KIF27: variants seen among roughly 807,000 people sequenced by gnomAD.
The protein encoded by KIF27 is kinesin family member 27, also known as kinesin-like protein KIF27.
In KIF27, 84 loss-of-function variants were observed where a neutral mutation model predicts 141.8. The ratio of observed to expected loss-of-function variants is 0.59; its 90% confidence interval spans 0.50 to 0.71. The LOEUF is 0.71. Ranked by LOEUF, KIF27 falls within the 30% of genes least tolerant of loss-of-function variation. The pLI, the probability that KIF27 is intolerant of heterozygous loss-of-function variation, is 0.00. For missense variants in KIF27, 1,306 were observed against 1,628.4 expected (o/e 0.80, Z 3.41); for synonymous variants, 471 against 569.5 (o/e 0.83, Z 2.46).
intron 13 of KIF27, among the ~76,000 whole-genome samples, chr9:83,865,111 A>T (rs1950250137): frequency 6.6e-6 from 1 of 152,044 alleles, no homozygotes; most frequent in African/African-American, 2.4e-5. Flanking sequence ...ACTGGTGTTG[A>T]GAAAATTTTT....
chr9:83,841,566 TAG>T (rs988969769), intron 17 of KIF27, among the ~76,000 whole-genome samples: 5 of 152,374 alleles, frequency 3.3e-5, no homozygotes, highest in African/African-American at 1.2e-4. Context: ...TTAGAATTAT[TAG>T]AAATTATCAG....
At chr9:83,866,303 CAG>C (rs1950345729) in intron 13 of KIF27, among the ~76,000 whole-genome samples, 1 of 151,906 alleles carries the variant, frequency 6.6e-6, no homozygotes, top group African/African-American at 2.4e-5. Context: ...CATCACATTT[CAG>C]AGTCAGGTAT....
intron 11 of KIF27, among the ~76,000 whole-genome samples, chr9:83,879,443 C>T (rs1415544015): frequency 2.7e-5 from 4 of 150,616 alleles, no homozygotes; most frequent in Non-Finnish European, 4.4e-5. Flanking sequence ...CATATCTCTG[C>T]ACCTTCCTTT....
At chr9:83,860,656 T>A (rs1424661560) in intron 13 of KIF27, among the ~76,000 whole-genome samples, 1 of 152,222 alleles carries the variant, frequency 6.6e-6, no homozygotes, top group African/African-American at 2.4e-5. Flanking sequence ...ATCAAACTTA[T>A]CAGGAAATCT....
At chr9:83,908,728 T>C (rs1395459022) in intron 2 of KIF27, 76 bp from the exon 3 acceptor site, 1 of 839,278 alleles carries the variant, frequency 1.2e-6, no homozygotes, top group African/African-American at 1.7e-5. Context: ...TTATAGTTAA[T>C]TTATTTTACT....
rs1262786325 is a variant in KIF27, at chr9:83,848,208, G to A, written c.3556+1891C>T. Among the ~76,000 whole-genome samples, 7 of 43,448 alleles carry A rather than the reference G, an allele frequency of 1.6e-4. 1 individual carries two copies. In the East Asian group the frequency reaches 3.0e-3, roughly 19 times the overall value. The allele number at this position is 43,448 out of a possible 152,430, so 28.5% of individuals were successfully genotyped here. A position where few individuals can be genotyped will look rare whatever the true frequency, so the allele number is the denominator to read the frequency against. On this transcript the variant is annotated intron_variant, in intron 16 of 17. Coordinates refer to ENST00000297814, the MANE Select transcript of KIF27 (RefSeq NM_017576.4). ...ATGATATATATGATATATCAGATAT[G>A]ATATATATGATATATCAGATATGAT...
intron 6 of KIF27, among the ~76,000 whole-genome samples, chr9:83,889,878 C>T (rs1462267790): frequency 6.6e-6 from 1 of 152,152 alleles, no homozygotes; most frequent in Non-Finnish European, 1.5e-5. Flanking sequence ...TATAGTACAA[C>T]ATTCTTCTAT....
chr9:83,886,832 G>A (rs1952152273), intron 9 of KIF27, among the ~76,000 whole-genome samples: 1 of 152,152 alleles, frequency 6.6e-6, no homozygotes, highest in Non-Finnish European at 1.5e-5. Context: ...GTTCACACCA[G>A]TTAGAACAAT....
intron 11 of KIF27, among the ~76,000 whole-genome samples, chr9:83,872,977 A>G (rs1318904932): frequency 6.6e-6 from 1 of 152,200 alleles, no homozygotes; most frequent in African/African-American, 2.4e-5. Context: ...CTTGGTCTCA[A>G]GTGGCTTGGA....
intron 17 of KIF27, among the ~76,000 whole-genome samples, chr9:83,839,073 T>C (rs1946256087): frequency 6.6e-6 from 1 of 151,996 alleles, no homozygotes; most frequent in African/African-American, 2.4e-5. Context: ...GGTGGGAGGA[T>C]TGCTCAAGCA....
rs1950497162 is a variant in KIF27 at position 83,867,864 on chromosome 9, C to T, written c.2758-4G>A. 1 of 1,563,022 alleles carries T rather than the reference C, an allele frequency of 6.4e-7. No individual in the cohort carries two copies. Among genetic ancestry groups the T allele is most frequent in the East Asian group, 2.3e-5 (1 of 44,126 alleles). ...ATTTCTTTTGCTCATCCAATTTCTA[C>T]ATTAAAATTAAAAAAAAAGTTACTT... On this transcript the variant is annotated splice_region_variant and splice_polypyrimidine_tract_variant and intron_variant, in intron 12 of 17. Transcript: ENST00000297814.
intron 2 of KIF27, among the ~76,000 whole-genome samples, chr9:83,912,589 C>T (rs182305246): frequency 7.9e-5 from 12 of 152,036 alleles, no homozygotes; most frequent in South Asian, 2.1e-4. Context: ...ATTTAAAAGA[C>T]GTATCAAAAA....
rs752785370 is a variant in KIF27 at position 83,887,047 on chromosome 9, T to G, written c.2233A>C (p.Lys745Gln). 1 of 1,578,048 alleles carries G rather than the reference T, an allele frequency of 6.3e-7. No homozygotes were observed. Among genetic ancestry groups the G allele is most frequent in the Non-Finnish European group, 8.6e-7 (1 of 1,169,514 alleles). ...MKEDLIKELIKTGNDAKSVSK... is the reference protein window; with the variant it reads ...MKEDLIKELIQTGNDAKSVSK... ...GTTCACAAGATACTATTACCTGTTT[T>G]TATTAATTCTTTAATCAGATCTTCC... The change falls in exon 9 of 18, where the codon AAA (lysine) becomes CAA (glutamine). Residue 745 changes from lysine to glutamine, a missense_variant. By Grantham distance (53) the Lys-to-Gln change is moderately conservative (BLOSUM62 1). Coordinates refer to ENST00000297814, the MANE Select transcript of KIF27 (RefSeq NM_017576.4).
chr9:83,835,612 A>C lies in KIF27; in HGVS notation c.*1389T>G, dbSNP rs1319730194. 1 of 152,190 alleles carries C rather than the reference A, an allele frequency of 6.6e-6. No individual in the cohort carries two copies. The highest frequency in any genetic ancestry group is 1.9e-4 in the East Asian group (1 of 5,198). The allele number at this position is 152,190 out of a possible 1,614,324, so 9.4% of individuals were successfully genotyped here. On this transcript the variant is annotated 3_prime_UTR_variant, in exon 18 of 18. Coordinates refer to ENST00000297814, the MANE Select transcript of KIF27 (RefSeq NM_017576.4). ...TCCCTAGGGGCTAGCAATGAGAGAA[A>C]GGAAGCCTTAAGTCTTTGAGCACAG...
intron 10 of KIF27, 121 bp downstream of exon 10, chr9:83,883,691 AG>A: frequency 1.6e-6 from 1 of 643,424 alleles, no homozygotes; most frequent in Non-Finnish European, 2.7e-6. Flanking sequence ...ACAAAAGAAA[AG>A]TTGATACCCA....
chr9:83,844,346 A>C (rs537538893), intron 16 of KIF27, among the ~76,000 whole-genome samples: 23 of 145,040 alleles, frequency 1.6e-4, no homozygotes, highest in Admixed American at 4.7e-4. Flanking sequence ...ATATTTATAT[A>C]GATATCTATA....
At chr9:83,866,602 G>A (rs978122792) in intron 13 of KIF27, among the ~76,000 whole-genome samples, 1 of 152,082 alleles carries the variant, frequency 6.6e-6, no homozygotes, top group African/African-American at 2.4e-5. Flanking sequence ...TCAAGGCCGG[G>A]CATGGTGGCT....
chr9:83,852,484 G>A (rs1162490790), intron 15 of KIF27, among the ~76,000 whole-genome samples: 1 of 151,284 alleles, frequency 6.6e-6, no homozygotes, highest in African/African-American at 2.4e-5. Flanking sequence ...CTATGTCAAA[G>A]CACTCCACTA....
chr9:83,880,983 T>G (rs1358134731), intron 10 of KIF27, among the ~76,000 whole-genome samples: 2 of 152,136 alleles, frequency 1.3e-5, no homozygotes, highest in Non-Finnish European at 1.5e-5. Context: ...CTCCCTTTTT[T>G]CCTACTTATC....
Sources: allele counts gnomAD v4.1 joint callset (sites outside exome capture counted in the v4.1 genomes callset), GRCh38; gene constraint gnomAD v4.1.1; transcripts MANE v1.5; gene names NCBI Gene and HGNC (gene_info 2026-07-23, HGNC 2026-07-21).